The following PAX8 variants were observed in gnomAD, a reference collection of about 807,000 sequenced individuals.
The protein encoded by PAX8 is paired box 8.
PAX8 carries 15 observed loss-of-function variants against 52.4 expected under a neutral mutation model. That is an observed-to-expected ratio of 0.29 (90% CI 0.19 to 0.44). The LOEUF is 0.44. PAX8 is among the 20% of genes least tolerant of loss of function. The probability of loss-of-function intolerance (pLI) is 1.00; values close to 1 mark genes in which losing one functional copy is unlikely to be tolerated. For missense variants in PAX8, 554 were observed against 602.5 expected, an observed-to-expected ratio of 0.92 and a Z score of 0.84; for synonymous variants, 284 against 249.7, an observed-to-expected ratio of 1.14 and a Z score of -1.29.
chr2:113,263,107 C>T (rs904481143), intron 2 of PAX8, among the ~76,000 whole-genome samples: 4 of 152,234 alleles, frequency 2.6e-5, no homozygotes, highest in African/African-American at 9.6e-5. Flanking sequence ...CAGGTTCAGT[C>T]AGTCAAGTAG....
chr2:113,246,095 G>A (rs986797418), intron 3 of PAX8, among the ~76,000 whole-genome samples: 12 of 152,210 alleles, frequency 7.9e-5, no homozygotes, highest in Non-Finnish European at 4.4e-5. Context: ...GAATCTTTGG[G>A]TCAGTGGTTC....
chr2:113,242,532 G>A (rs566781900), intron 5 of PAX8, among the ~76,000 whole-genome samples, 158 bp downstream of exon 5: 5 of 152,206 alleles, frequency 3.3e-5, no homozygotes, highest in East Asian at 3.9e-4. Context: ...AGACTTCGTC[G>A]CAGTGGCACA....
intron 11 of PAX8, among the ~76,000 whole-genome samples, 153 bp from the exon 12 acceptor site, chr2:113,218,762 G>A (rs146481808): frequency 2.0e-4 from 30 of 152,304 alleles, no homozygotes; most frequent in Non-Finnish European, 3.5e-4. Flanking sequence ...CTCCTCTCCA[G>A]CCCTATTTCC....
rs557881383 is a variant in PAX8 at position 113,217,634 on chromosome 2, G to A, written c.*899C>T. 6.0e-5 allele frequency: 14 copies of A among 231,742 alleles called. No individual in the cohort carries two copies. The highest frequency in any genetic ancestry group is 2.9e-4 in the African/African-American group (13 of 45,360). 14.4% of individuals were successfully genotyped at this position (231,742 alleles called of 1,614,324 possible). ...CTTGGGTCCCTTCAGTAGCTGGTGG[G>A]CGTGAGCTGCAGGAAGCACATTTGG... is the stretch of plus-strand genomic sequence containing the variant. On this transcript the variant is annotated 3_prime_UTR_variant, in exon 12 of 12. Coordinates refer to ENST00000429538, the MANE Select transcript of PAX8 (RefSeq NM_003466.4).
intron 3 of PAX8, 63 bp downstream of exon 3, chr2:113,246,691 T>G: frequency 6.5e-5 from 102 of 1,561,592 alleles, no homozygotes; most frequent in Non-Finnish European, 7.4e-5. Context: ...CTAGCTGCCC[T>G]GAGATCAGCT....
chr2:113,278,815 C>A lies in PAX8; in HGVS notation c.-76+16G>T, dbSNP rs889406213. On this transcript the variant is annotated intron_variant, in intron 1 of 11. Coordinates refer to ENST00000429538, the MANE Select transcript of PAX8 (RefSeq NM_003466.4). ...TCACTGCTAGCCAGCTTCCAGCTAA[C>A]CCCTGGGTGACATACCTGGCCGGCC... 3 of 1,061,530 alleles carry A rather than the reference C, an allele frequency of 2.8e-6. No individual in the cohort carries two copies. The highest frequency in any genetic ancestry group is 2.3e-6 in the Non-Finnish European group (2 of 871,152). 65.8% of individuals were successfully genotyped at this position (1,061,530 alleles called of 1,614,324 possible).
intron 10 of PAX8, among the ~76,000 whole-genome samples, chr2:113,224,836 AAAT>A (rs1689467144): frequency 7.2e-6 from 1 of 138,196 alleles, no homozygotes; most frequent in Non-Finnish European, 1.5e-5. Flanking sequence ...AAATAAAATA[AAAT>A]ATAAAATAAA....
At position 113,278,380 on chromosome 2, in the gene PAX8, G is replaced by A. The variant is rs770866354; in HGVS notation, c.15C>T (p.Ser5=). The A allele has an allele frequency of 1.4e-5, 22 of 1,608,512 alleles. No homozygotes were observed. The highest frequency in any genetic ancestry group is 1.9e-5 in the Non-Finnish European group (22 of 1,176,786). Residue 5 remains serine, a synonymous_variant, in exon 2 of 12, where the codon TCC becomes TCT. Coordinates refer to ENST00000429538, the MANE Select transcript of PAX8 (RefSeq NM_003466.4). The part of the protein sequence containing the change: MPHN[S]IRSGHGGLNQ... Reference sequence around the variant, plus strand: ...ACACCGCGTTCTTACCAGATCTGATGGAGTTGTGAGGCATCGCCGGGGAGT... The same window carrying A: ...ACACCGCGTTCTTACCAGATCTGATAGAGTTGTGAGGCATCGCCGGGGAGT...
intron 6 of PAX8, 39 bp downstream of exon 6, chr2:113,241,969 C>G (rs1690888792): frequency 6.2e-7 from 1 of 1,610,284 alleles, no homozygotes; most frequent in South Asian, 1.1e-5. Flanking sequence ...GCAAACTGCT[C>G]TCGTGCACCG....
chr2:113,242,659 T>C (rs771784352), intron 5 of PAX8, 31 bp downstream of exon 5: 43 of 1,453,176 alleles, frequency 3.0e-5, no homozygotes, highest in Non-Finnish European at 4.2e-5. Context: ...TACACGAGCA[T>C]GTGTGTGTAT....
chr2:113,217,196 G>C lies in PAX8; in HGVS notation c.*1337C>G, dbSNP rs2104407603. The C allele has an allele frequency of 4.4e-6, 1 of 229,086 alleles. No homozygotes were observed. Among genetic ancestry groups the C allele is most frequent in the Admixed American group, 5.7e-5 (1 of 17,648 alleles). 14.2% of individuals were successfully genotyped at this position (229,086 alleles called of 1,614,324 possible). On this transcript the variant is annotated 3_prime_UTR_variant, in exon 12 of 12. Coordinates refer to ENST00000429538, the MANE Select transcript of PAX8 (RefSeq NM_003466.4). ...GAGTGAGGTACCCAGCGTTCAACGTGAATTAAAGGCAGAGGGAGAAGGCCA... is the reference window on the plus strand; with the variant it reads ...GAGTGAGGTACCCAGCGTTCAACGTCAATTAAAGGCAGAGGGAGAAGGCCA...
chr2:113,261,310 C>T (rs1692659909), intron 2 of PAX8, among the ~76,000 whole-genome samples: 1 of 152,112 alleles, frequency 6.6e-6, no homozygotes, highest in Non-Finnish European at 1.5e-5. Context: ...TCCTTCCAGT[C>T]CTAATGTCTA....
intron 2 of PAX8, chr2:113,274,563 C>A (rs1193012766): frequency 6.6e-6 from 1 of 152,046 alleles, no homozygotes; most frequent in Non-Finnish European, 1.5e-5. Flanking sequence ...CTTTCTTTTT[C>A]TCCTTATTCT....
rs138721214 is a variant in PAX8, at chr2:113,260,853, T to TAG, written c.26-13936_26-13935dup. The stretch of plus-strand genomic sequence containing the variant: ...GCTTTAGCCTGAATTAGGGCACGTT[T>TAG]AGAGAGAGAGAGAGAGTGACTGTTT... On this transcript the variant is annotated intron_variant, in intron 2 of 11. Transcript: ENST00000429538. 8.0e-3 allele frequency among the ~76,000 whole-genome samples: 1,197 copies of TAG among 149,608 alleles called. 4 individuals carry two copies. Among genetic ancestry groups the TAG allele is most frequent in the Non-Finnish European group, 0.011 (743 of 67,288 alleles).
intron 1 of PAX8, 60 bp from the exon 2 acceptor site, chr2:113,278,529 G>A: frequency 2.2e-6 from 3 of 1,374,928 alleles, no homozygotes; most frequent in South Asian, 1.2e-5. Context: ...GCATCCTCAG[G>A]CCCCCTCCCC....
In PAX8 at chr2:113,218,326, A is replaced by C. The variant is rs1356932637; in HGVS notation, c.*207T>G. The C allele has an allele frequency of 4.9e-6, 2 of 408,644 alleles. No homozygotes were observed. Among genetic ancestry groups the C allele is most frequent in the Non-Finnish European group, 8.6e-6 (2 of 231,820 alleles). The allele number at this position is 408,644 out of a possible 1,614,324, so 25.3% of individuals were successfully genotyped here. On this transcript the variant is annotated 3_prime_UTR_variant, in exon 12 of 12. Transcript: ENST00000429538. ...TTCCCTGGGACTCCTGCCCCTCATT[A>C]AGGAGTCTTGGAGGACAGTTTGGCC...
At chr2:113,241,132 T>C (rs1004092736) in intron 7 of PAX8, 1 of 326,834 alleles carries the variant, frequency 3.1e-6, no homozygotes, top group African/African-American at 2.1e-5. Context: ...CTCGGGGCCA[T>C]GAGTAATGCA....
Position 113,226,408 on chromosome 2 carries a change from TG to T in PAX8, c.1189+746del. Reference sequence around the variant, plus strand: ...CTTCCCTACATGGCTCCTAAAAAATTGAGACTTGCCCAAGGAAACTCCCATT... The same window carrying T: ...CTTCCCTACATGGCTCCTAAAAAATTAGACTTGCCCAAGGAAACTCCCATT... On this transcript the variant is annotated intron_variant, in intron 10 of 11. Coordinates refer to ENST00000429538, the MANE Select transcript of PAX8 (RefSeq NM_003466.4). The T allele has an allele frequency of 3.0e-6, 3 of 986,012 alleles. No homozygotes were observed. In the South Asian group the frequency reaches 1.4e-4, roughly 46 times the overall value. 61.1% of individuals were successfully genotyped at this position (986,012 alleles called of 1,614,324 possible).
chr2:113,235,502 A>T lies in PAX8; in HGVS notation c.979T>A (p.Ser327Thr), dbSNP rs369193106. ...ACTTGCTGCAGATCCAAAAAGGCGG[A>T]GCTAGATAAAGAGGAAGGGGTGGAG... ...SSSTPSSLSS[S>T]AFLDLQQVGS... is the part of the protein sequence containing the mutation. The change falls in exon 9 of 12, where the codon TCC (serine) becomes ACC (threonine). Residue 327 changes from serine to threonine, a missense_variant. Ser to Thr is a moderately conservative substitution (Grantham distance 58). This residue lies in a region of PAX8 where 445 missense variants were observed against 409.9 expected (regional missense o/e 1.09). Transcript: ENST00000429538. 6.2e-7 allele frequency: 1 copy of T among 1,613,788 alleles called. No individual in the cohort carries two copies. Among genetic ancestry groups the T allele is most frequent in the African/African-American group, 1.3e-5 (1 of 74,910 alleles).
Sources: gnomAD v4.1 joint callset for allele counts (sites outside exome capture counted in the v4.1 genomes callset) on GRCh38, gnomAD v4.1.1 for gene constraint, gnomAD v4.1.1 regional missense constraint, MANE v1.5 for transcripts, NCBI Gene and HGNC (gene_info 2026-07-23, HGNC 2026-07-21) for gene names.